Variants in VAV3 observed in about 807,000 individuals in gnomAD.
VAV3 encodes guanine nucleotide exchange factor VAV3.
VAV3 carries 94 observed loss-of-function variants against 131.2 expected under a neutral mutation model. The observed-to-expected ratio is 0.72, with a 90% confidence interval of 0.61 to 0.85. The LOEUF is 0.85. Ranked by LOEUF, VAV3 falls within the 40% of genes least tolerant of loss-of-function variation. The probability of loss-of-function intolerance (pLI) is 0.00; values close to 1 mark genes in which losing one functional copy is unlikely to be tolerated. For synonymous variants in VAV3, 349 were observed against 342.0 expected, an observed-to-expected ratio of 1.02 and a Z score of -0.22; for missense variants, 939 against 1,002.7, an observed-to-expected ratio of 0.94 and a Z score of 0.86.
intron 17 of VAV3, among the ~76,000 whole-genome samples, chr1:107,694,229 G>A (rs4384261): frequency 0.59 from 89,552 of 152,040 alleles, 26,837 homozygotes; most frequent in Middle Eastern, 0.74. Context: ...GTCAAGGTAC[G>A]GTTAATGATT....
intron 25 of VAV3, among the ~76,000 whole-genome samples, chr1:107,582,544 C>T (rs1377777246): frequency 2.7e-5 from 4 of 148,340 alleles, no homozygotes; most frequent in Admixed American, 6.7e-5. Flanking sequence ...GTATATCTCC[C>T]AATGCTATCC....
intron 19 of VAV3, among the ~76,000 whole-genome samples, chr1:107,665,537 C>T (rs928960586): frequency 2.0e-5 from 3 of 152,098 alleles, no homozygotes; most frequent in Non-Finnish European, 1.5e-5. Flanking sequence ...AGATAAAGAC[C>T]AGGTGTTTGT....
chr1:107,920,408 G>A lies in VAV3; in HGVS notation c.204+44258C>T, dbSNP rs201680043. On this transcript the variant is annotated intron_variant, in intron 1 of 26. Transcript: ENST00000370056. The stretch of plus-strand genomic sequence containing the variant: ...AAATTCTTCTCCCCTAAATGATGAG[G>A]CTAAAACCAAACCAAACCAAACAAA... Among the ~76,000 whole-genome samples the A allele has an allele frequency of 2.2e-4, 34 of 152,294 alleles. No individual in the cohort carries two copies. The East Asian group carries it at 3.7e-3, about 16-fold the overall frequency.
At chr1:107,634,716 C>G (rs1214304520) in intron 20 of VAV3, among the ~76,000 whole-genome samples, 2 of 149,360 alleles carry the variant, frequency 1.3e-5, no homozygotes, top group East Asian at 3.9e-4. Context: ...TTTTTGCAAT[C>G]TACTCATCTG....
chr1:107,727,006 C>T (rs1402323679), intron 15 of VAV3, among the ~76,000 whole-genome samples: 1 of 152,016 alleles, frequency 6.6e-6, no homozygotes. Flanking sequence ...AAAGAATAAG[C>T]CCAAGAGAAA....
intron 1 of VAV3, among the ~76,000 whole-genome samples, chr1:107,918,325 T>C (rs891395099): frequency 1.3e-5 from 2 of 152,208 alleles, no homozygotes; most frequent in South Asian, 2.1e-4. Flanking sequence ...CAGGTGGCAA[T>C]TATTTTACCA....
chr1:107,701,264 C>T (rs1283586800), intron 17 of VAV3, among the ~76,000 whole-genome samples: 1 of 152,002 alleles, frequency 6.6e-6, no homozygotes, highest in Non-Finnish European at 1.5e-5. Flanking sequence ...ACAGGTCCAA[C>T]ACCACATGGA....
chr1:107,609,748 G>A (rs1030162567), intron 22 of VAV3, 183 bp downstream of exon 22: 16 of 590,812 alleles, frequency 2.7e-5, no homozygotes, highest in South Asian at 9.8e-5. Context: ...CACCCCCCTC[G>A]CAGATAAAGA....
intron 12 of VAV3, among the ~76,000 whole-genome samples, chr1:107,753,549 T>TACATATATATATACACACACAC: frequency 1.2e-5 from 1 of 82,052 alleles, no homozygotes; most frequent in Non-Finnish European, 2.5e-5. Flanking sequence ...TATATATATA[T>TACATATATATATACACACACAC]ACACACACAC....
At chr1:107,739,478 A>G (rs1662879285) in intron 15 of VAV3, among the ~76,000 whole-genome samples, 1 of 152,180 alleles carries the variant, frequency 6.6e-6, no homozygotes, top group Non-Finnish European at 1.5e-5. Flanking sequence ...GCTGGCTTCA[A>G]CTTGGGAGAT....
intron 15 of VAV3, among the ~76,000 whole-genome samples, chr1:107,735,435 G>T (rs1179998015): frequency 6.6e-6 from 1 of 152,222 alleles, no homozygotes; most frequent in African/African-American, 2.4e-5. Context: ...TTTCTGAAAA[G>T]ATCACAAAAT....
At chr1:107,801,931 A>AT (rs894552500) in intron 2 of VAV3, among the ~76,000 whole-genome samples, 3 of 151,636 alleles carry the variant, frequency 2.0e-5, no homozygotes, top group Non-Finnish European at 2.9e-5. Context: ...TTTCGTCAGC[A>AT]TTTTTTTATG....
At chr1:107,863,780 T>C (rs1179202312) in intron 2 of VAV3, among the ~76,000 whole-genome samples, 1 of 152,226 alleles carries the variant, frequency 6.6e-6, no homozygotes. Flanking sequence ...ATTCACTGTT[T>C]GATCTATAGA....
At chr1:107,934,715 A>G (rs1673623703) in intron 1 of VAV3, among the ~76,000 whole-genome samples, 1 of 152,236 alleles carries the variant, frequency 6.6e-6, no homozygotes, top group Non-Finnish European at 1.5e-5. Context: ...TGAAAACTTA[A>G]CCACTGAAAT....
intron 2 of VAV3, among the ~76,000 whole-genome samples, chr1:107,801,595 T>G (rs563315773): frequency 6.6e-6 from 1 of 152,170 alleles, no homozygotes; most frequent in East Asian, 1.9e-4. Context: ...CAACCACTCA[T>G]AGACTATTGA....
intron 2 of VAV3, among the ~76,000 whole-genome samples, chr1:107,814,139 A>C (rs1667460982): frequency 6.6e-6 from 1 of 152,074 alleles, no homozygotes; most frequent in Admixed American, 6.6e-5. Context: ...CCTTTGATAT[A>C]CTTTTTTTCT....
At position 107,770,441 on chromosome 1, in the gene VAV3, C is replaced by T. The variant is rs112524940; in HGVS notation, c.648+195G>A. Among the ~76,000 whole-genome samples the T allele has an allele frequency of 3.2e-3, 492 of 152,272 alleles. 1 individual carries two copies. Among genetic ancestry groups the T allele is most frequent in the Middle Eastern group, 6.8e-3 (2 of 292 alleles). ...GTATTTATTACTATATCCTTAGTCC[C>T]TGAAACAGTGCCACTCAGGTACTAA... On this transcript the variant is annotated intron_variant, in intron 6 of 26. Coordinates refer to ENST00000370056, the MANE Select transcript of VAV3 (RefSeq NM_006113.5).
At chr1:107,941,709 T>C (rs1674004892) in intron 1 of VAV3, among the ~76,000 whole-genome samples, 1 of 152,208 alleles carries the variant, frequency 6.6e-6, no homozygotes, top group African/African-American at 2.4e-5. Flanking sequence ...CATCTTCCTG[T>C]CTCTTCCTCT....
intron 25 of VAV3, among the ~76,000 whole-genome samples, chr1:107,591,567 T>G (rs1455283032): frequency 1.3e-5 from 2 of 152,168 alleles, no homozygotes; most frequent in Non-Finnish European, 2.9e-5. Context: ...CGCTTCTATG[T>G]CTGAAGCAGG....
Sources: gnomAD v4.1 joint callset for allele counts (sites outside exome capture counted in the v4.1 genomes callset) on GRCh38, gnomAD v4.1.1 for gene constraint, MANE v1.5 for transcripts, NCBI Gene and HGNC (gene_info 2026-07-23, HGNC 2026-07-21) for gene names.